GCKR: variants seen among roughly 807,000 people sequenced by gnomAD.
The protein encoded by GCKR is glucokinase regulatory protein.
Under a neutral mutation model 82.9 loss-of-function variants are expected in GCKR, and 73 were observed. The ratio of observed to expected loss-of-function variants is 0.88; its 90% CI spans 0.73 to 1.07. The LOEUF (loss-of-function observed/expected upper bound fraction) is 1.07. GCKR is among the 50% of genes least tolerant of loss of function. The pLI is 0.00. For missense variants in GCKR, 784 were observed against 782.1 expected (o/e 1.00, Z -0.03); for synonymous variants, 294 against 291.8 (o/e 1.01, Z -0.08).
At chr2:27,518,682 C>T (rs1372837807) in intron 16 of GCKR, 106 bp from the exon 17 acceptor site, 7 of 918,980 alleles carry the variant, frequency 7.6e-6, no homozygotes, top group Non-Finnish European at 1.1e-5. Context: ...GCATTTTGGT[C>T]CCTGGTTCTT....
At chr2:27,516,048 G>T (rs1669997397) in intron 16 of GCKR, among the ~76,000 whole-genome samples, 1 of 150,950 alleles carries the variant, frequency 6.6e-6, no homozygotes, top group Non-Finnish European at 1.5e-5. Context: ...AAGAGCTGGG[G>T]TTACTGGGGT....
In GCKR at chr2:27,523,373, T is replaced by C; in HGVS notation, c.1812T>C (p.Ala604=). ...APSVCEAVRS[A]LAGPGQKRTA... ...CTGTCTGTGAGGCTGTCAGGAGTGC[T>C]CTTGCTGGGCCAGGTCAGAAGCGCA... The change falls in exon 19 of 19, where the codon GCT becomes GCC. Residue 604 remains alanine (A), a synonymous_variant. Coordinates refer to ENST00000264717, the MANE Select transcript of GCKR (RefSeq NM_001486.4). 1 of 1,612,432 alleles carries C rather than the reference T, an allele frequency of 6.2e-7. No homozygotes were observed. The highest frequency in any genetic ancestry group is 8.5e-7 in the Non-Finnish European group (1 of 1,179,968).
intron 8 of GCKR, among the ~76,000 whole-genome samples, chr2:27,501,498 A>C (rs1379023250): frequency 6.6e-6 from 1 of 152,252 alleles, no homozygotes; most frequent in African/African-American, 2.4e-5. Flanking sequence ...GGGATTGAAG[A>C]GGCAAGAGAA....
Position 27,523,476 on chromosome 2 carries a change from T to C in GCKR, c.*37T>C. ...TGGGTGGGTGAAAGGGGCCCAACCCTGCCCACTTCAGCCCAGCCCGCCCAA... is the reference window on the plus strand; with the variant it reads ...TGGGTGGGTGAAAGGGGCCCAACCCCGCCCACTTCAGCCCAGCCCGCCCAA... On this transcript the variant is annotated 3_prime_UTR_variant, in exon 19 of 19. Transcript: ENST00000264717. 5 of 1,591,572 alleles carry C rather than the reference T, an allele frequency of 3.1e-6. No homozygotes were observed. The highest frequency in any genetic ancestry group is 4.3e-6 in the Non-Finnish European group (5 of 1,171,964).
intron 10 of GCKR, 140 bp from the exon 11 acceptor site, chr2:27,506,341 G>A (rs1418181939): frequency 1.4e-6 from 1 of 728,134 alleles, no homozygotes; most frequent in Non-Finnish European, 2.5e-6. Flanking sequence ...CGCAGTCTGG[G>A]CCTACTCTCT....
chr2:27,507,167 C>G, intron 12 of GCKR, 68 bp from the exon 13 acceptor site: 1 of 1,119,354 alleles, frequency 8.9e-7, no homozygotes, highest in Non-Finnish European at 1.4e-6. Flanking sequence ...TTTTCTCCCC[C>G]TGAAGCCTAG....
chr2:27,518,956 A>G lies in GCKR; in HGVS notation c.1572+19A>G. On this transcript the variant is annotated intron_variant, in intron 17 of 18. Coordinates refer to ENST00000264717, the MANE Select transcript of GCKR (RefSeq NM_001486.4). ...GCTGCAGGTAGGGATATGATGGGGC[A>G]GGGTTGGGTGGGACCTGGCCTCAAT... 4 of 699,252 alleles carry G rather than the reference A, an allele frequency of 5.7e-6. No homozygotes were observed. The highest frequency in any genetic ancestry group is 1.0e-5 in the Non-Finnish European group (4 of 395,278). 43.3% of individuals were successfully genotyped at this position (699,252 alleles called of 1,614,324 possible). A position where few individuals can be genotyped will look rare whatever the true frequency, so the allele number is the denominator to read the frequency against.
In GCKR at chr2:27,507,741, G is replaced by A. The variant is rs561275387; in HGVS notation, c.1204G>A (p.Glu402Lys). ...FLTSILPSLT[E>K]IDTVVFIFTL... is the part of the protein sequence containing the mutation. ...GACTTCCATCCTTCCCTCTCTCACG[G>A]AAATCGATACTGTGGTCTTCATTTT... Residue 402 changes from glutamate (E) to lysine (K), a missense_variant, in exon 14 of 19, where the codon GAA (glutamate) becomes AAA (lysine). Transcript: ENST00000264717. 3.8e-5 allele frequency: 61 copies of A among 1,608,234 alleles called. No homozygotes were observed. The highest frequency in any genetic ancestry group is 4.9e-5 in the Non-Finnish European group (58 of 1,174,848).
chr2:27,509,495 A>C lies in GCKR; in HGVS notation c.1422+1244A>C, dbSNP rs1358257829. On this transcript the variant is annotated intron_variant, in intron 16 of 18. Coordinates refer to ENST00000264717, the MANE Select transcript of GCKR (RefSeq NM_001486.4). Reference sequence around the variant, plus strand: ...GGTAGGACCACAGGCACTCACCACCATGACTGGCTAATTTTTGTATTTTTT... The same window carrying C: ...GGTAGGACCACAGGCACTCACCACCCTGACTGGCTAATTTTTGTATTTTTT... 1.4e-5 allele frequency: 6 copies of C among 440,700 alleles called. No individual in the cohort carries two copies. The East Asian group carries it at 4.3e-4, about 31-fold the overall frequency. 27.3% of individuals were successfully genotyped at this position (440,700 alleles called of 1,614,324 possible). A position where few individuals can be genotyped will look rare whatever the true frequency, so the allele number is the denominator to read the frequency against.
chr2:27,505,125 CA>C (rs146563052), intron 9 of GCKR, among the ~76,000 whole-genome samples: 2,509 of 25,264 alleles, frequency 0.099, 8 homozygotes, highest in African/African-American at 0.17. Flanking sequence ...GACTCCATCT[CA>C]AAAAAAAAAA....
intron 10 of GCKR, 66 bp from the exon 11 acceptor site, chr2:27,506,415 G>A (rs1479221652): frequency 1.9e-6 from 2 of 1,050,130 alleles, no homozygotes; most frequent in African/African-American, 3.1e-5. Flanking sequence ...TCCCCGCTCA[G>A]GGAGGCACCT....
At chr2:27,509,056 G>A (rs980192112) in intron 16 of GCKR, among the ~76,000 whole-genome samples, 1 of 152,052 alleles carries the variant, frequency 6.6e-6, no homozygotes, top group Non-Finnish European at 1.5e-5. Flanking sequence ...TCTGGATGCC[G>A]GTCTAGCTCT....
In GCKR at chr2:27,514,283, A is replaced by G. The variant is rs1377939195; in HGVS notation, c.1423-4505A>G. On this transcript the variant is annotated intron_variant, in intron 16 of 18. Coordinates refer to ENST00000264717, the MANE Select transcript of GCKR (RefSeq NM_001486.4). ...TATATATATACACACACATACATCTATATATACATCTATATAAATACTGTA... is the reference window on the plus strand; with the variant it reads ...TATATATATACACACACATACATCTGTATATACATCTATATAAATACTGTA... 7.9e-5 allele frequency among the ~76,000 whole-genome samples: 12 copies of G among 152,106 alleles called. No homozygotes were observed. The East Asian group carries it at 1.7e-3, about 22-fold the overall frequency.
intron 16 of GCKR, among the ~76,000 whole-genome samples, chr2:27,517,144 C>T (rs191299139): frequency 6.6e-6 from 1 of 151,860 alleles, no homozygotes; most frequent in East Asian, 1.9e-4. Flanking sequence ...TCCTAAGTAG[C>T]TCTGACTTAC....
intron 17 of GCKR, among the ~76,000 whole-genome samples, chr2:27,521,583 CACCTGCCTCA>C (rs1670157224): frequency 1.3e-5 from 2 of 151,408 alleles, no homozygotes; most frequent in South Asian, 4.2e-4. Context: ...CCTTGTGATC[CACCTGCCTCA>C]GCCTCTCAAA....
intron 16 of GCKR, among the ~76,000 whole-genome samples, chr2:27,513,202 C>T (rs1669930429): frequency 6.6e-6 from 1 of 152,152 alleles, no homozygotes; most frequent in East Asian, 1.9e-4. Flanking sequence ...CTATCCCTTC[C>T]ATCTATATTC....
In GCKR at chr2:27,507,986, C is replaced by T. The variant is rs1209521730; in HGVS notation, c.1250C>T (p.Thr417Met). 6.2e-6 allele frequency: 10 copies of T among 1,610,396 alleles called. No homozygotes were observed. The highest frequency in any genetic ancestry group is 2.2e-5 in the East Asian group (1 of 44,858). ...CCTCCCCTTCTCCTAGACAACCTCA[C>T]GGAGGTGCAGACTATAGTGGAGCAG... Reference protein sequence around the residue: ...VFIFTLDDNLTEVQTIVEQVK... With the variant: ...VFIFTLDDNLMEVQTIVEQVK... Residue 417 changes from threonine to methionine, a missense_variant, in exon 15 of 19, where the codon ACG (threonine) becomes ATG (methionine). Thr to Met is a moderately conservative substitution (Grantham distance 81, BLOSUM62 -1). Coordinates refer to ENST00000264717, the MANE Select transcript of GCKR (RefSeq NM_001486.4).
intron 5 of GCKR, 22 bp downstream of exon 5, chr2:27,498,819 A>C: frequency 7.0e-7 from 1 of 1,425,196 alleles, no homozygotes; most frequent in South Asian, 1.1e-5. Flanking sequence ...TAGCCTATGA[A>C]TATTTTGTTT....
intron 5 of GCKR, 116 bp from the exon 6 acceptor site, chr2:27,499,026 G>T: frequency 1.3e-6 from 1 of 753,700 alleles, no homozygotes; most frequent in South Asian, 1.4e-5. Context: ...CAAACTGTGG[G>T]TGCTCATTCA....
Sources: gnomAD v4.1 joint callset for allele counts (sites outside exome capture counted in the v4.1 genomes callset) on GRCh38, gnomAD v4.1.1 for gene constraint, MANE v1.5 for transcripts, NCBI Gene and HGNC (gene_info 2026-07-23, HGNC 2026-07-21) for gene names.